CELF2: variants seen among roughly 807,000 people sequenced by gnomAD.
CELF2 encodes the protein CUG triplet repeat RNA-binding protein 2.
CELF2 carries 8 observed loss-of-function variants against 62.6 expected under a neutral mutation model. The ratio of observed to expected loss-of-function variants is 0.13; its 90% CI spans 0.07 to 0.23. The LOEUF (loss-of-function observed/expected upper bound fraction) is 0.23, where lower values mean the gene tolerates loss of function less well. CELF2 is among the 10% of genes least tolerant of loss of function. CELF2 has a pLI of 1.00. For missense variants in CELF2, 333 were observed against 671.0 expected (o/e 0.50, Z 5.56); for synonymous variants, 258 against 250.0 (o/e 1.03, Z -0.30).
At chr10:11,005,289 AGAGAGG>A (rs1564349003), upstream of CELF2, 13 of 1,556,674 alleles carry the variant, frequency 8.4e-6, no homozygotes, top group Admixed American at 3.5e-5. This position sits in a 1 kb window ranked among gnomAD's most constrained non-coding sequence, Gnocchi z 4.3. Flanking sequence ...AGAGAGAGAG[AGAGAGG>A]GAGGAGAGGG....
chr10:10,733,806 C>T, the CELF2 span, among the ~76,000 whole-genome samples: 1 of 152,118 alleles, frequency 6.6e-6, no homozygotes, highest in African/African-American at 2.4e-5. Flanking sequence ...GTCCCTCCCA[C>T]AACATGAGGG....
rs889118347 is a variant in CELF2, at chr10:11,242,163, C to T, written c.355-6990C>T. On this transcript the variant is annotated intron_variant, in intron 3 of 12. Coordinates refer to ENST00000633077, the MANE Select transcript of CELF2 (RefSeq NM_001326342.2). This position sits in a 1 kb window ranked among gnomAD's most constrained non-coding sequence, Gnocchi z 4.8. The stretch of plus-strand genomic sequence containing the variant: ...CAATATGTGCTAGCACGGCTGCTCT[C>T]TCCAGGGGTCAGGATGGGTTTAATA... Among the ~76,000 whole-genome samples, 1 of 152,194 alleles carries T rather than the reference C, an allele frequency of 6.6e-6. No homozygotes were observed. The highest frequency in any genetic ancestry group is 2.4e-5 in the African/African-American group (1 of 41,424).
At chr10:10,629,850 C>T in the CELF2 span, among the ~76,000 whole-genome samples, 14 of 110,346 alleles carry the variant, frequency 1.3e-4, no homozygotes, top group African/African-American at 1.5e-4. Context: ...TTGCAAAGCA[C>T]GGCTGAAGAC....
At chr10:10,506,269 C>CGTGTGTGTGTGTGTGTGTGTGTGT in the CELF2 span, among the ~76,000 whole-genome samples, 2 of 146,814 alleles carry the variant, frequency 1.4e-5, no homozygotes, top group African/African-American at 2.5e-5. Flanking sequence ...AGATGCACTT[C>CGTGTGTGTGTGTGTGTGTGTGTGT]GTGTGTGTGT....
chr10:10,542,694 G>A, the CELF2 span, among the ~76,000 whole-genome samples: 7,800 of 152,208 alleles, frequency 0.051, 708 homozygotes, highest in African/African-American at 0.18. Flanking sequence ...TTCCTAAATG[G>A]GAAGCAGGGG....
At chr10:10,765,050 G>A in the CELF2 span, among the ~76,000 whole-genome samples, 1 of 152,212 alleles carries the variant, frequency 6.6e-6, no homozygotes, top group Non-Finnish European at 1.5e-5. Context: ...CAGGCTACTA[G>A]TACCACCTTT....
chr10:10,682,586 G>T, the CELF2 span, among the ~76,000 whole-genome samples: 1 of 151,930 alleles, frequency 6.6e-6, no homozygotes, highest in Non-Finnish European at 1.5e-5. Context: ...CCTTGGCTTT[G>T]GTTTTCTGCT....
At chr10:10,673,189 G>T in the CELF2 span, among the ~76,000 whole-genome samples, 1 of 151,946 alleles carries the variant, frequency 6.6e-6, no homozygotes, top group East Asian at 1.9e-4. Context: ...TTCTGTTTTT[G>T]TTAATTTTTC....
the CELF2 span, among the ~76,000 whole-genome samples, chr10:10,692,585 T>TA: frequency 8.0e-6 from 1 of 124,572 alleles, no homozygotes; most frequent in Admixed American, 7.9e-5. Flanking sequence ...ATTGAATCTG[T>TA]AAATTACCTT....
chr10:10,920,120 C>A, intron 2 of CELF2: 1 of 625,754 alleles, frequency 1.6e-6, no homozygotes, highest in Non-Finnish European at 2.3e-6. Context: ...GATTTTGATA[C>A]CTCATACATC....
chr10:11,090,371 A>T (rs2047997583), intron 1 of CELF2, among the ~76,000 whole-genome samples: 1 of 152,168 alleles, frequency 6.6e-6, no homozygotes, highest in African/African-American at 2.4e-5. Context: ...CCTTCAGAAA[A>T]TATGAAGTAC....
intron 2 of CELF2, among the ~76,000 whole-genome samples, chr10:10,973,101 C>A (rs1306998666): frequency 6.6e-6 from 1 of 150,820 alleles, no homozygotes; most frequent in African/African-American, 2.5e-5. Flanking sequence ...ACCAGCCTGG[C>A]CAACATGTCA....
the CELF2 span, among the ~76,000 whole-genome samples, chr10:10,772,440 G>A: frequency 1.3e-5 from 2 of 152,218 alleles, no homozygotes; most frequent in Admixed American, 1.3e-4. Flanking sequence ...CATGAAGTTT[G>A]TTGGTTTCAA....
intron 9 of CELF2, among the ~76,000 whole-genome samples, chr10:11,293,336 TAAG>T (rs759462327): frequency 1.5e-4 from 23 of 152,362 alleles, no homozygotes; most frequent in Non-Finnish European, 2.9e-4. Context: ...ATTTACACTA[TAAG>T]AAGATTTTTG....
chr10:10,992,052 G>T (rs1029956782), intron 2 of CELF2, among the ~76,000 whole-genome samples: 5 of 152,160 alleles, frequency 3.3e-5, no homozygotes, highest in African/African-American at 1.2e-4. Context: ...CATGGTAGCT[G>T]ACCTCAAGGA....
At chr10:10,542,513 A>G in the CELF2 span, among the ~76,000 whole-genome samples, 1 of 152,200 alleles carries the variant, frequency 6.6e-6, no homozygotes, top group Non-Finnish European at 1.5e-5. Flanking sequence ...GGCAGAGGAG[A>G]GGGAAAGCTT....
In CELF2 at chr10:11,268,857, A is replaced by G. The variant is rs534307285; in HGVS notation, c.619-1809A>G. On this transcript the variant is annotated intron_variant, in intron 6 of 12. Coordinates refer to ENST00000633077, the MANE Select transcript of CELF2 (RefSeq NM_001326342.2). The surrounding 1 kb of genome is among the most constrained non-coding windows in gnomAD (Gnocchi z 4.7). ...TATTACCTAATTCACAATGATGTGA[A>G]TGTTGAAAGAACAAGGTCTTAAAAA... Among the ~76,000 whole-genome samples the G allele has an allele frequency of 3.3e-5, 5 of 152,320 alleles. No homozygotes were observed. The highest frequency in any genetic ancestry group is 1.2e-4 in the African/African-American group (5 of 41,578).
At chr10:11,116,080 G>T (rs2143620645) in intron 1 of CELF2, among the ~76,000 whole-genome samples, 1 of 152,172 alleles carries the variant, frequency 6.6e-6, no homozygotes, top group South Asian at 2.1e-4. Flanking sequence ...TAATCCTGTG[G>T]GACAGTATTC....
chr10:11,307,756 A>G (rs1478975889), intron 9 of CELF2, among the ~76,000 whole-genome samples: 1 of 152,168 alleles, frequency 6.6e-6, no homozygotes, highest in Non-Finnish European at 1.5e-5. Context: ...TGATGAAACT[A>G]TAGAGTTGTG....
Sources: allele counts gnomAD v4.1 joint callset (sites outside exome capture counted in the v4.1 genomes callset), GRCh38; gene constraint gnomAD v4.1.1; non-coding constraint Gnocchi (gnomAD v3.1); transcripts MANE v1.5; gene names NCBI Gene and HGNC (gene_info 2026-07-23, HGNC 2026-07-21).